The following ALK variants were observed in gnomAD, a reference collection of about 807,000 sequenced individuals.
The protein encoded by ALK is ALK tyrosine kinase receptor.
In ALK, 74 loss-of-function variants were observed where a neutral mutation model predicts 163.1. That is an observed-to-expected ratio of 0.45 (90% CI 0.38 to 0.55). The LOEUF is 0.55. Ranked by LOEUF, ALK falls within the 20% of genes least tolerant of loss-of-function variation. ALK has a pLI of 0.00. For synonymous variants in ALK, 960 were observed against 843.2 expected (o/e 1.14, Z -2.40); for missense variants, 2,063 against 2,105.3 (o/e 0.98, Z 0.39).
intron 28 of ALK, among the ~76,000 whole-genome samples, chr2:29,194,473 A>G (rs1325432038): frequency 6.6e-6 from 1 of 152,010 alleles, no homozygotes; most frequent in Non-Finnish European, 1.5e-5. Context: ...GTGCCACATC[A>G]TCACATGTGC....
intron 4 of ALK, among the ~76,000 whole-genome samples, chr2:29,430,193 A>G (rs1670240521): frequency 6.6e-6 from 1 of 152,212 alleles, no homozygotes; most frequent in African/African-American, 2.4e-5. Flanking sequence ...AAAAAAATAG[A>G]AAAATTAGAA....
chr2:29,675,438 C>G (rs1438443935), intron 3 of ALK, among the ~76,000 whole-genome samples: 1 of 151,700 alleles, frequency 6.6e-6, no homozygotes, highest in African/African-American at 2.4e-5. Context: ...CTGAGAGTTT[C>G]CCCTTAAAGG....
intron 5 of ALK, among the ~76,000 whole-genome samples, chr2:29,346,653 G>A (rs1280823629): frequency 6.6e-6 from 1 of 152,196 alleles, no homozygotes; most frequent in Non-Finnish European, 1.5e-5. Context: ...ACTAAATACC[G>A]ATATGTTTTA....
At chr2:29,911,707 C>T (rs1667706533) in intron 1 of ALK, among the ~76,000 whole-genome samples, 1 of 152,158 alleles carries the variant, frequency 6.6e-6, no homozygotes, top group Non-Finnish European at 1.5e-5. Context: ...ACACCCAACT[C>T]AGACCAAACA....
intron 5 of ALK, among the ~76,000 whole-genome samples, chr2:29,339,767 G>T (rs946516979): frequency 6.6e-6 from 1 of 152,178 alleles, no homozygotes; most frequent in Admixed American, 6.5e-5. Flanking sequence ...GATGGTGAGA[G>T]AGGACAACAT....
chr2:29,349,772 C>A (rs944357576), intron 5 of ALK, among the ~76,000 whole-genome samples: 1 of 152,154 alleles, frequency 6.6e-6, no homozygotes, highest in African/African-American at 2.4e-5. Context: ...GTTTACACAC[C>A]AAACCTAGGA....
At position 29,589,520 on chromosome 2, in the gene ALK, TG is replaced by T. The variant is rs755515806; in HGVS notation, c.953-57405del. Among the ~76,000 whole-genome samples the T allele has an allele frequency of 1.4e-3, 208 of 152,322 alleles. 1 individual carries two copies. Among genetic ancestry groups the T allele is most frequent in the Non-Finnish European group, 1.9e-3 (131 of 68,026 alleles). On this transcript the variant is annotated intron_variant, in intron 3 of 28. Coordinates refer to ENST00000389048, the MANE Select transcript of ALK (RefSeq NM_004304.5). Reference sequence around the variant, plus strand: ...AGCTTCCTCAAGTTTGTACAGCTTATGAACAGCAGAGCTAGAACCATAAGGC... The same window carrying T: ...AGCTTCCTCAAGTTTGTACAGCTTATAACAGCAGAGCTAGAACCATAAGGC...
At chr2:29,741,807 A>G (rs1393215735) in intron 1 of ALK, among the ~76,000 whole-genome samples, 2 of 152,202 alleles carry the variant, frequency 1.3e-5, no homozygotes, top group African/African-American at 2.4e-5. Context: ...AGACTCTGAC[A>G]TGGGATCCAA....
At chr2:29,344,914 T>C (rs966023478) in intron 5 of ALK, among the ~76,000 whole-genome samples, 3 of 152,192 alleles carry the variant, frequency 2.0e-5, no homozygotes, top group African/African-American at 7.2e-5. Flanking sequence ...GATGATGCCA[T>C]GCTCAGGGAA....
intron 8 of ALK, among the ~76,000 whole-genome samples, chr2:29,309,239 G>A (rs1666629960): frequency 1.3e-5 from 2 of 152,194 alleles, no homozygotes; most frequent in South Asian, 2.1e-4. Flanking sequence ...TGGAGGGAGT[G>A]TGTGCTCTCA....
At chr2:29,502,107 C>G (rs965805219) in intron 4 of ALK, among the ~76,000 whole-genome samples, 59 of 152,218 alleles carry the variant, frequency 3.9e-4, no homozygotes, top group African/African-American at 1.4e-3. Context: ...ATGAGCTCCT[C>G]TTTGCCAGGT....
chr2:29,633,321 C>G (rs1482986921), intron 3 of ALK, among the ~76,000 whole-genome samples: 1 of 152,006 alleles, frequency 6.6e-6, no homozygotes, highest in Non-Finnish European at 1.5e-5. Flanking sequence ...AGAGATTTAC[C>G]CATGTCAGCT....
At chr2:29,823,888 A>G (rs1372139627) in intron 1 of ALK, among the ~76,000 whole-genome samples, 2 of 152,258 alleles carry the variant, frequency 1.3e-5, no homozygotes, top group African/African-American at 4.8e-5. Context: ...GTTGCATATT[A>G]ATCCCCAAGA....
intron 8 of ALK, 97 bp downstream of exon 8, chr2:29,318,207 C>A: frequency 9.9e-7 from 1 of 1,007,682 alleles, no homozygotes; most frequent in Admixed American, 1.9e-5. Context: ...AGGAGAACGA[C>A]CAGCCCAGCC....
At chr2:29,576,392 C>T (rs780719838) in intron 3 of ALK, among the ~76,000 whole-genome samples, 1 of 152,224 alleles carries the variant, frequency 6.6e-6, no homozygotes, top group Non-Finnish European at 1.5e-5. Flanking sequence ...TTCCTACCAC[C>T]ATGCACACTG....
intron 4 of ALK, among the ~76,000 whole-genome samples, chr2:29,508,194 C>T (rs978851841): frequency 6.6e-6 from 1 of 152,080 alleles, no homozygotes; most frequent in African/African-American, 2.4e-5. Context: ...ACACGTGGAC[C>T]CTCTGAAACT....
intron 1 of ALK, among the ~76,000 whole-genome samples, chr2:29,904,192 C>T (rs1667480954): frequency 6.6e-6 from 1 of 151,992 alleles, no homozygotes; most frequent in Non-Finnish European, 1.5e-5. Flanking sequence ...CAATGAATAT[C>T]CTGACTTTGG....
intron 4 of ALK, among the ~76,000 whole-genome samples, chr2:29,425,814 C>T (rs1670122114): frequency 6.6e-6 from 1 of 152,152 alleles, no homozygotes; most frequent in Admixed American, 6.5e-5. Context: ...AATGCTCTTA[C>T]AAACAATTAT....
chr2:29,626,323 G>A (rs1263738759), intron 3 of ALK, among the ~76,000 whole-genome samples: 2 of 152,252 alleles, frequency 1.3e-5, no homozygotes, highest in African/African-American at 4.8e-5. Flanking sequence ...TCATAAGGGT[G>A]GTTTCCCCCA....
Sources: allele counts gnomAD v4.1 joint callset (sites outside exome capture counted in the v4.1 genomes callset), GRCh38; gene constraint gnomAD v4.1.1; transcripts MANE v1.5; gene names NCBI Gene and HGNC (gene_info 2026-07-23, HGNC 2026-07-21).